FOXN3: variants seen among roughly 807,000 people sequenced by gnomAD.
FOXN3 encodes forkhead box N3.
In FOXN3, 7 loss-of-function variants were observed where a neutral mutation model predicts 38.4. The observed-to-expected ratio is 0.18, with a 90% confidence interval of 0.10 to 0.34. The LOEUF (loss-of-function observed/expected upper bound fraction) is 0.34. FOXN3 is among the 10% of genes least tolerant of loss of function. The pLI, the probability that FOXN3 is intolerant of heterozygous loss-of-function variation, is 1.00. For synonymous variants in FOXN3, 230 were observed against 242.2 expected, an observed-to-expected ratio of 0.95 and a Z score of 0.47; for missense variants, 456 against 613.4, an observed-to-expected ratio of 0.74 and a Z score of 2.71.
chr14:89,357,378 G>C (rs540482727), intron 2 of FOXN3, among the ~76,000 whole-genome samples: 1 of 152,064 alleles, frequency 6.6e-6, no homozygotes, highest in African/African-American at 2.4e-5. Context: ...AGGCTGAAGC[G>C]GGTGGATCAT....
chr14:89,416,640 C>G (rs1440963849), intron 1 of FOXN3, among the ~76,000 whole-genome samples: 2 of 152,196 alleles, frequency 1.3e-5, no homozygotes, highest in African/African-American at 4.8e-5. Flanking sequence ...TTTTCGGAAA[C>G]CGAGGCACCG....
At chr14:89,618,095 G>T (rs543107115) in intron 1 of FOXN3, among the ~76,000 whole-genome samples, 11 of 152,174 alleles carry the variant, frequency 7.2e-5, no homozygotes, top group Non-Finnish European at 1.6e-4. Flanking sequence ...GTCGCACCCT[G>T]CCTACGACAG....
intron 3 of FOXN3, among the ~76,000 whole-genome samples, chr14:89,289,953 CTTT>C (rs1008138645): frequency 6.6e-6 from 1 of 152,032 alleles, no homozygotes; most frequent in African/African-American, 2.4e-5. Context: ...GAACAGACTT[CTTT>C]TTTTTCCCTT....
rs907175942 is a variant in FOXN3 at position 89,500,072 on chromosome 14, C to T, written c.-14-87582G>A. Among the ~76,000 whole-genome samples, 13 of 152,166 alleles carry T rather than the reference C, an allele frequency of 8.5e-5. No individual in the cohort carries two copies. In the South Asian group the frequency reaches 2.3e-3, roughly 27 times the overall value. On this transcript the variant is annotated intron_variant, in intron 1 of 6. Coordinates refer to the FOXN3 transcript ENST00000345097. ...TTCACCATGTTGGCCAGGCTGGTCT[C>T]GAACTCCTGACCTCAGGTGATCCAC... is the stretch of plus-strand genomic sequence containing the variant.
intron 4 of FOXN3, among the ~76,000 whole-genome samples, chr14:89,215,926 C>T (rs1884266528): frequency 6.6e-6 from 1 of 152,166 alleles, no homozygotes; most frequent in African/African-American, 2.4e-5. Context: ...AAAGACAAGC[C>T]AGCATATTCT....
chr14:89,535,027 A>T (rs1178530813), intron 1 of FOXN3, among the ~76,000 whole-genome samples: 1 of 152,142 alleles, frequency 6.6e-6, no homozygotes, highest in East Asian at 1.9e-4. Context: ...CATTCCCTTA[A>T]TATTCCTTCC....
chr14:89,556,346 T>G (rs1895123180), intron 1 of FOXN3, among the ~76,000 whole-genome samples: 2 of 148,336 alleles, frequency 1.3e-5, no homozygotes, highest in South Asian at 4.2e-4. Flanking sequence ...GAGGTTGCAG[T>G]GAACCAAAAT....
At chr14:89,586,430 C>T (rs1047435997) in intron 1 of FOXN3, among the ~76,000 whole-genome samples, 2 of 152,132 alleles carry the variant, frequency 1.3e-5, no homozygotes, top group African/African-American at 2.4e-5. Context: ...GATCACAAAA[C>T]CAGCATCAGA....
intron 2 of FOXN3, among the ~76,000 whole-genome samples, chr14:89,365,737 G>A (rs1011432796): frequency 2.6e-5 from 4 of 152,056 alleles, no homozygotes; most frequent in South Asian, 2.1e-4. Flanking sequence ...GCTAAAAAGC[G>A]GATCGTTTTA....
At chr14:89,243,095 G>A (rs1227597529) in intron 4 of FOXN3, among the ~76,000 whole-genome samples, 11 of 152,160 alleles carry the variant, frequency 7.2e-5, no homozygotes, top group African/African-American at 2.4e-4. Flanking sequence ...TGTGGCCGAC[G>A]CAGGGAGGAG....
At chr14:89,249,433 T>C (rs2139876507) in intron 4 of FOXN3, among the ~76,000 whole-genome samples, 1 of 152,326 alleles carries the variant, frequency 6.6e-6, no homozygotes, top group East Asian at 1.9e-4. Flanking sequence ...CATCACAGCC[T>C]TTGAAATGCT....
chr14:89,365,928 A>G (rs1342490233), intron 2 of FOXN3, among the ~76,000 whole-genome samples: 1 of 152,202 alleles, frequency 6.6e-6, no homozygotes, highest in East Asian at 1.9e-4. Context: ...TAAAGTAACT[A>G]GAATAACTAA....
chr14:89,274,317 G>A (rs1304669552), intron 4 of FOXN3, among the ~76,000 whole-genome samples: 1 of 152,188 alleles, frequency 6.6e-6, no homozygotes. Flanking sequence ...GAAAATGCTC[G>A]TTTGGAGAGT....
chr14:89,463,351 G>T (rs1892895526), intron 1 of FOXN3, among the ~76,000 whole-genome samples: 1 of 151,942 alleles, frequency 6.6e-6, no homozygotes, highest in Admixed American at 6.6e-5. Context: ...GACCCCTCGT[G>T]GTCCAATCAG....
intron 1 of FOXN3, among the ~76,000 whole-genome samples, chr14:89,439,038 G>C (rs1393810442): frequency 6.6e-6 from 1 of 152,102 alleles, no homozygotes; most frequent in Admixed American, 6.6e-5. Context: ...GATTACAAGC[G>C]TGAGCCACCA....
intron 4 of FOXN3, among the ~76,000 whole-genome samples, chr14:89,197,538 T>A (rs1888129415): frequency 6.6e-6 from 1 of 151,148 alleles, no homozygotes; most frequent in Admixed American, 6.6e-5. Context: ...CATGGTCAGA[T>A]ACATACACTA....
At chr14:89,221,338 T>C (rs1414008773) in intron 4 of FOXN3, among the ~76,000 whole-genome samples, 1 of 152,216 alleles carries the variant, frequency 6.6e-6, no homozygotes, top group Non-Finnish European at 1.5e-5. Context: ...ATATCATGTA[T>C]CACCACGGCA....
intron 3 of FOXN3, among the ~76,000 whole-genome samples, chr14:89,281,304 T>C (rs886196810): frequency 1.3e-5 from 2 of 152,198 alleles, no homozygotes; most frequent in African/African-American, 4.8e-5. Flanking sequence ...TTTAACGGCA[T>C]AGCGTATAAC....
chr14:89,174,556 T>C (rs959269566), intron 5 of FOXN3, among the ~76,000 whole-genome samples: 7 of 151,962 alleles, frequency 4.6e-5, no homozygotes, highest in African/African-American at 1.7e-4. Flanking sequence ...TCATTGGGAG[T>C]TTGGAGGATT....
Sources: allele counts gnomAD v4.1 joint callset (sites outside exome capture counted in the v4.1 genomes callset), GRCh38; gene constraint gnomAD v4.1.1; transcripts MANE v1.5; gene names NCBI Gene and HGNC (gene_info 2026-07-23, HGNC 2026-07-21).